The following LAMC2 variants were observed in gnomAD, a reference collection of about 807,000 sequenced individuals.
LAMC2 encodes the protein laminin subunit gamma-2.
LAMC2 carries 97 observed loss-of-function variants against 140.2 expected under a neutral mutation model. That is an observed-to-expected ratio of 0.69 (90% CI 0.59 to 0.82). LAMC2 has a LOEUF of 0.82. Among genes scored for constraint, LAMC2 ranks in the 40% least tolerant of loss-of-function variants. LAMC2 has a pLI of 0.00. For synonymous variants in LAMC2, 513 were observed against 540.2 expected (o/e 0.95, Z 0.70); for missense variants, 1,402 against 1,476.1 (o/e 0.95, Z 0.82).
At chr1:183,220,628 G>A (rs983419646) in intron 4 of LAMC2, among the ~76,000 whole-genome samples, 197 bp from the exon 5 acceptor site, 1 of 152,040 alleles carries the variant, frequency 6.6e-6, no homozygotes, top group South Asian at 2.1e-4. Context: ...TTCTTATGCC[G>A]TCTAATTTAG....
At position 183,206,363 on chromosome 1, in the gene LAMC2, G is replaced by A. The variant is rs182421578; in HGVS notation, c.80-1518G>A. On this transcript the variant is annotated intron_variant, in intron 1 of 22. Transcript: ENST00000264144. ...GGTCCATTAGATGTACGTGGTCACCGCTGGGCACGGTGGCTCACGCCTGTA... is the reference window on the plus strand; with the variant it reads ...GGTCCATTAGATGTACGTGGTCACCACTGGGCACGGTGGCTCACGCCTGTA... Among the ~76,000 whole-genome samples, 428 of 152,328 alleles carry A rather than the reference G, an allele frequency of 2.8e-3. 3 individuals carry two copies. Among genetic ancestry groups the A allele is most frequent in the Non-Finnish European group, 4.6e-3 (314 of 68,032 alleles).
chr1:183,234,513 T>A (rs533616155), intron 15 of LAMC2, 67 bp downstream of exon 15: 2 of 1,189,484 alleles, frequency 1.7e-6, no homozygotes, highest in Admixed American at 3.5e-5. Flanking sequence ...AATAAGAGTG[T>A]AGGGTATTAG....
At chr1:183,245,284 C>T (rs914747710), downstream of LAMC2, among the ~76,000 whole-genome samples, 10 of 152,196 alleles carry the variant, frequency 6.6e-5, no homozygotes, top group East Asian at 3.8e-4. Flanking sequence ...TGGTCATCTA[C>T]GCAAGCGGCT....
chr1:183,208,165 C>T (rs1331647046), intron 2 of LAMC2, 96 bp downstream of exon 2: 10 of 1,195,918 alleles, frequency 8.4e-6, no homozygotes, highest in African/African-American at 7.5e-5. Flanking sequence ...AAGGGAACAA[C>T]GGAGGAAAAA....
At chr1:183,257,250 G>T in the LAMC2 span, among the ~76,000 whole-genome samples, 1 of 151,994 alleles carries the variant, frequency 6.6e-6, no homozygotes, top group Non-Finnish European at 1.5e-5. Context: ...AGACCAGCCT[G>T]GCCAACATAG....
chr1:183,223,480 G>T (rs1336896773), intron 7 of LAMC2, among the ~76,000 whole-genome samples, 156 bp downstream of exon 7: 1 of 152,180 alleles, frequency 6.6e-6, no homozygotes, highest in Non-Finnish European at 1.5e-5. Context: ...GAAAGGACAT[G>T]ATTCCTTCCC....
chr1:183,217,735 G>T (rs1163493502), intron 3 of LAMC2, among the ~76,000 whole-genome samples: 1 of 152,214 alleles, frequency 6.6e-6, no homozygotes, highest in African/African-American at 2.4e-5. Context: ...AGGGCTGGAG[G>T]TGGGACTGGA....
At chr1:183,252,009 T>G in the LAMC2 span, 1 of 154,808 alleles carries the variant, frequency 6.5e-6, no homozygotes, top group Non-Finnish European at 1.4e-5. Context: ...GTGGCCCTGA[T>G]GAACTCACTG....
At chr1:183,189,158 G>T (rs551569) in intron 1 of LAMC2, among the ~76,000 whole-genome samples, 2 of 151,922 alleles carry the variant, frequency 1.3e-5, no homozygotes, top group African/African-American at 4.8e-5. Context: ...TCTAAAGAAT[G>T]TGGTGATCCA....
chr1:183,187,237 G>C (rs1346570774), intron 1 of LAMC2, among the ~76,000 whole-genome samples: 3 of 152,138 alleles, frequency 2.0e-5, no homozygotes, highest in East Asian at 1.9e-4. Flanking sequence ...TCTTTCAATA[G>C]GTCCAAGACC....
chr1:183,232,112 TG>T (rs1659816560), intron 12 of LAMC2, 74 bp from the exon 13 acceptor site: 1 of 1,562,792 alleles, frequency 6.4e-7, no homozygotes, highest in African/African-American at 1.4e-5. Context: ...TATTATCCCC[TG>T]GGTACCTGGT....
At chr1:183,252,498 C>T in the LAMC2 span, 29,551 of 615,660 alleles carry the variant, frequency 0.048, 1,796 homozygotes, top group African/African-American at 0.2. Context: ...TGGTTCTCTG[C>T]AGGTCCCCCA....
At chr1:183,230,851 T>C (rs1659777702) in intron 11 of LAMC2, 110 bp from the exon 12 acceptor site, 2 of 1,268,034 alleles carry the variant, frequency 1.6e-6, no homozygotes, top group African/African-American at 1.5e-5. Flanking sequence ...CATGGAGGTA[T>C]AAAAGGATTC....
intron 1 of LAMC2, among the ~76,000 whole-genome samples, chr1:183,202,207 G>GCAA (rs200477288): frequency 2.7e-5 from 4 of 148,320 alleles, no homozygotes; most frequent in South Asian, 4.3e-4. Flanking sequence ...AAGAAAAACA[G>GCAA]CAACAACAAC....
downstream of LAMC2, among the ~76,000 whole-genome samples, chr1:183,245,944 C>T (rs1055225495): frequency 1.1e-4 from 17 of 152,092 alleles, no homozygotes; most frequent in Admixed American, 2.6e-4. Flanking sequence ...CCGAAATGGG[C>T]GGATCACGAG....
At chr1:183,203,797 T>C (rs1658798941) in intron 1 of LAMC2, among the ~76,000 whole-genome samples, 1 of 152,094 alleles carries the variant, frequency 6.6e-6, no homozygotes, top group African/African-American at 2.4e-5. Flanking sequence ...CCAAGGCCAA[T>C]ACATTCCCCA....
intron 1 of LAMC2, among the ~76,000 whole-genome samples, chr1:183,190,833 C>T (rs188795782): frequency 7.2e-5 from 11 of 152,280 alleles, no homozygotes; most frequent in African/African-American, 2.4e-4. Flanking sequence ...ATATTCATCT[C>T]ACCAGATGAC....
At chr1:183,224,515 C>T (rs138525380) in intron 7 of LAMC2, among the ~76,000 whole-genome samples, 2 of 152,184 alleles carry the variant, frequency 1.3e-5, no homozygotes, top group African/African-American at 2.4e-5. Context: ...TAGTTTGGGT[C>T]GGGTCCTTAA....
At chr1:183,232,526 T>C in intron 13 of LAMC2, 126 bp from the exon 14 acceptor site, 2 of 1,084,748 alleles carry the variant, frequency 1.8e-6, no homozygotes, top group Admixed American at 2.0e-5. Context: ...GATAAAAGAA[T>C]GGTTGGATGC....
Sources: allele counts gnomAD v4.1 joint callset (sites outside exome capture counted in the v4.1 genomes callset), GRCh38; gene constraint gnomAD v4.1.1; transcripts MANE v1.5; gene names NCBI Gene and HGNC (gene_info 2026-07-23, HGNC 2026-07-21).